The following CACNA2D1 variants were observed in gnomAD, a reference collection of about 807,000 sequenced individuals.
The protein encoded by CACNA2D1 is voltage-dependent calcium channel subunit alpha-2/delta-1.
A neutral mutation model predicts 171.5 loss-of-function variants in CACNA2D1; 53 were observed. The observed-to-expected ratio is 0.31, with a 90% CI of 0.25 to 0.39. CACNA2D1 has a LOEUF of 0.39. Ranked by LOEUF, CACNA2D1 falls within the 10% of genes least tolerant of loss-of-function variation. CACNA2D1 has a pLI of 1.00. For synonymous variants in CACNA2D1, 442 were observed against 443.1 expected (o/e 1.00, Z 0.03); for missense variants, 903 against 1,299.8 (o/e 0.69, Z 4.69).
intron 3 of CACNA2D1, among the ~76,000 whole-genome samples, chr7:82,258,883 A>G (rs1806698274): frequency 7.9e-6 from 1 of 126,970 alleles, no homozygotes; most frequent in African/African-American, 3.1e-5. Context: ...GAAGTGGCAC[A>G]ATGGCCCAGT....
rs537461461 is a variant in CACNA2D1 at position 82,128,833 on chromosome 7, G to A, written c.396+7802C>T. Among the ~76,000 whole-genome samples, 33 of 151,532 alleles carry A rather than the reference G, an allele frequency of 2.2e-4. 1 individual carries two copies. The highest frequency in any genetic ancestry group is 3.9e-4 in the African/African-American group (16 of 41,284). On this transcript the variant is annotated intron_variant, in intron 5 of 38. Coordinates refer to ENST00000356860, the MANE Select transcript of CACNA2D1 (RefSeq NM_000722.4). ...CCATACTCCCCTCCCCTGCCCCCAC[G>A]TTCCCCTGAATGCTGGTGTTCTGAG...
chr7:82,284,841 T>G (rs1810554042), intron 3 of CACNA2D1, among the ~76,000 whole-genome samples: 1 of 152,180 alleles, frequency 6.6e-6, no homozygotes, highest in African/African-American at 2.4e-5. Context: ...TTGGGTTGTC[T>G]TTGTAATGTA....
intron 3 of CACNA2D1, among the ~76,000 whole-genome samples, chr7:82,308,424 A>C (rs902632964): frequency 6.6e-6 from 1 of 152,220 alleles, no homozygotes; most frequent in Non-Finnish European, 1.5e-5. Flanking sequence ...TATCTTCCTC[A>C]TAGAGCCCCA....
chr7:82,318,689 T>C (rs1815411718), intron 3 of CACNA2D1, among the ~76,000 whole-genome samples: 3 of 152,168 alleles, frequency 2.0e-5, no homozygotes, highest in Admixed American at 6.5e-5. Context: ...ACATCTGATG[T>C]AAAATAAAAC....
At chr7:82,316,429 T>C (rs2129435764) in intron 3 of CACNA2D1, among the ~76,000 whole-genome samples, 1 of 152,308 alleles carries the variant, frequency 6.6e-6, no homozygotes, top group African/African-American at 2.4e-5. Context: ...CCTTGCCAGT[T>C]CTAACTCTAA....
chr7:82,344,347 CT>C (rs1271629909), intron 2 of CACNA2D1, among the ~76,000 whole-genome samples: 2 of 152,212 alleles, frequency 1.3e-5, no homozygotes, highest in Non-Finnish European at 2.9e-5. Context: ...AAAACAGCCC[CT>C]GGCTGAGAAC....
Position 81,992,101 on chromosome 7 carries a change from C to T in CACNA2D1, c.1735-855G>A, listed in dbSNP as rs142451652. 4.2e-3 allele frequency among the ~76,000 whole-genome samples: 637 copies of T among 151,760 alleles called. 9 individuals carry two copies. Among genetic ancestry groups the T allele is most frequent in the African/African-American group, 0.015 (611 of 41,338 alleles). On this transcript the variant is annotated intron_variant, in intron 20 of 38. Coordinates refer to ENST00000356860, the MANE Select transcript of CACNA2D1 (RefSeq NM_000722.4). ...CTCGTGATCCACCCGCCTCGGCCTCCCAAAGTGCTAGGATTACAGGAGTGA... is the reference window on the plus strand; with the variant it reads ...CTCGTGATCCACCCGCCTCGGCCTCTCAAAGTGCTAGGATTACAGGAGTGA...
intron 1 of CACNA2D1, among the ~76,000 whole-genome samples, chr7:82,382,505 T>C (rs1157392212): frequency 6.6e-6 from 1 of 152,202 alleles, no homozygotes; most frequent in African/African-American, 2.4e-5. Flanking sequence ...CAAGAGTAGC[T>C]GAGGCCTAAA....
At chr7:81,969,837 T>C in intron 28 of CACNA2D1, 44 bp downstream of exon 28, 3 of 1,078,236 alleles carry the variant, frequency 2.8e-6, no homozygotes, top group Non-Finnish European at 4.3e-6. Context: ...AGTAATTTAT[T>C]ATTTAAAAAA....
intron 4 of CACNA2D1, among the ~76,000 whole-genome samples, chr7:82,140,482 A>G (rs1414982430): frequency 1.3e-5 from 2 of 152,192 alleles, no homozygotes; most frequent in East Asian, 3.9e-4. Flanking sequence ...AATTTTAATA[A>G]GAATAAATTT....
rs551665694 is a variant in CACNA2D1 at position 82,375,242 on chromosome 7, T to G, written c.96-25593A>C. Among the ~76,000 whole-genome samples, 5 of 152,176 alleles carry G rather than the reference T, an allele frequency of 3.3e-5. No homozygotes were observed. The South Asian group carries it at 8.3e-4, about 25-fold the overall frequency. On this transcript the variant is annotated intron_variant, in intron 1 of 38. Coordinates refer to ENST00000356860, the MANE Select transcript of CACNA2D1 (RefSeq NM_000722.4). ...CACTGAAACACTGAGGTCTTTCACT[T>G]TTCTATCTGTCTTACCCCATCACCC...
intron 4 of CACNA2D1, among the ~76,000 whole-genome samples, chr7:82,155,053 C>T (rs1276255738): frequency 6.6e-6 from 1 of 151,930 alleles, no homozygotes; most frequent in African/African-American, 2.4e-5. Flanking sequence ...TGGCACCTCC[C>T]TCCTCCCCTT....
At chr7:81,979,988 T>G (rs985984218) in intron 24 of CACNA2D1, among the ~76,000 whole-genome samples, 1 of 151,140 alleles carries the variant, frequency 6.6e-6, no homozygotes, top group Non-Finnish European at 1.5e-5. Context: ...CCAAGAGAAA[T>G]AGAGAATTCT....
chr7:82,138,705 C>A (rs1024679311), intron 4 of CACNA2D1, among the ~76,000 whole-genome samples: 4 of 152,040 alleles, frequency 2.6e-5, no homozygotes, highest in African/African-American at 9.7e-5. Flanking sequence ...CTCAGCCTCC[C>A]AAAGTGCTGG....
At chr7:81,955,980 A>ATTTTTT (rs1164601123) in intron 38 of CACNA2D1, among the ~76,000 whole-genome samples, 3 of 34,552 alleles carry the variant, frequency 8.7e-5, no homozygotes, top group Admixed American at 5.3e-4. Context: ...ATATATATAT[A>ATTTTTT]TTTTTTTTTT....
At chr7:82,265,288 G>T (rs1408143606) in intron 3 of CACNA2D1, among the ~76,000 whole-genome samples, 1 of 152,036 alleles carries the variant, frequency 6.6e-6, no homozygotes, top group Non-Finnish European at 1.5e-5. Context: ...TTGAAATGCT[G>T]AATCTCACTG....
At chr7:81,982,917 A>G (rs1284214898) in intron 23 of CACNA2D1, among the ~76,000 whole-genome samples, 1 of 152,160 alleles carries the variant, frequency 6.6e-6, no homozygotes, top group African/African-American at 2.4e-5. Flanking sequence ...ATATCTTTTA[A>G]AAAGTGATTG....
At chr7:82,006,769 G>T (rs981290156) in intron 16 of CACNA2D1, among the ~76,000 whole-genome samples, 1 of 152,062 alleles carries the variant, frequency 6.6e-6, no homozygotes, top group Non-Finnish European at 1.5e-5. Flanking sequence ...AGAACCTGCA[G>T]ATAGTTAAGA....
intron 1 of CACNA2D1, among the ~76,000 whole-genome samples, chr7:82,407,033 A>T (rs1249777632): frequency 6.6e-6 from 1 of 152,234 alleles, no homozygotes; most frequent in African/African-American, 2.4e-5. Flanking sequence ...TAAATATGAT[A>T]AAGAGGCCTT....
Sources: gnomAD v4.1 joint callset for allele counts (sites outside exome capture counted in the v4.1 genomes callset) on GRCh38, gnomAD v4.1.1 for gene constraint, MANE v1.5 for transcripts, NCBI Gene and HGNC (gene_info 2026-07-23, HGNC 2026-07-21) for gene names.